RAB36: variants seen among roughly 807,000 people sequenced by gnomAD.
RAB36 encodes the protein ras-related protein Rab-36.
RAB36 carries 33 observed loss-of-function variants against 39.3 expected under a neutral mutation model. The ratio of observed to expected loss-of-function variants is 0.84; its 90% confidence interval spans 0.64 to 1.12. RAB36 has a LOEUF of 1.12. RAB36 is among the 50% of genes most tolerant of loss of function. The pLI, the probability that RAB36 is intolerant of heterozygous loss-of-function variation, is 0.00. For synonymous variants in RAB36, 133 were observed against 140.2 expected (o/e 0.95, Z 0.36); for missense variants, 308 against 355.3 (o/e 0.87, Z 1.07).
intron 5 of RAB36, among the ~76,000 whole-genome samples, chr22:23,154,149 A>C (rs1254838502): frequency 6.7e-6 from 1 of 148,790 alleles, no homozygotes. Context: ...CTGCCCCGGC[A>C]CCTGGAGAAT....
intron 3 of RAB36, among the ~76,000 whole-genome samples, chr22:23,150,591 G>A (rs556636452): frequency 4.2e-4 from 64 of 151,828 alleles, no homozygotes; most frequent in African/African-American, 1.5e-3. Context: ...GTGAGCCACC[G>A]TGCCCAGCCA....
At chr22:23,145,448 G>T (rs778299791), upstream of RAB36, 2 of 1,610,506 alleles carry the variant, frequency 1.2e-6, no homozygotes, top group African/African-American at 1.3e-5. Flanking sequence ...TCGACGATTC[G>T]TGTAGCCCGC....
chr22:23,156,274 G>T, intron 6 of RAB36: 1 of 447,064 alleles, frequency 2.2e-6, no homozygotes, highest in Non-Finnish European at 4.1e-6. Context: ...TTAAGTCTCA[G>T]CCCCAGTTTC....
chr22:23,157,301 A>C (rs1303267531), intron 6 of RAB36, among the ~76,000 whole-genome samples: 2 of 150,814 alleles, frequency 1.3e-5, no homozygotes, highest in Non-Finnish European at 2.9e-5. Flanking sequence ...CCCAAACTGG[A>C]GTGCAGTGGC....
In RAB36 at chr22:23,155,860, G is replaced by C. The variant is rs540954253; in HGVS notation, c.330-108G>C. 12 of 972,068 alleles carry C rather than the reference G, an allele frequency of 1.2e-5. No homozygotes were observed. The African/African-American group carries it at 1.7e-4, about 14-fold the overall frequency. The allele number at this position is 972,068 out of a possible 1,614,324, so 60.2% of individuals were successfully genotyped here. On this transcript the variant is annotated intron_variant, in intron 5 of 10. Coordinates refer to ENST00000263116, the MANE Select transcript of RAB36 (RefSeq NM_004914.5). ...GCACTTCCTGAAGCCCATGCAGCTGGCACAGGCCCTTAGGGTCTCCCACCC... is the reference window on the plus strand; with the variant it reads ...GCACTTCCTGAAGCCCATGCAGCTGCCACAGGCCCTTAGGGTCTCCCACCC...
chr22:23,158,802 G>T, intron 7 of RAB36, 96 bp from the exon 8 acceptor site: 1 of 1,088,314 alleles, frequency 9.2e-7, no homozygotes, highest in Non-Finnish European at 1.4e-6. Context: ...TCCCAGCCCA[G>T]CACTTCAGCC....
chr22:23,166,063 T>C (rs1232700701), downstream of RAB36, among the ~76,000 whole-genome samples: 1 of 146,884 alleles, frequency 6.8e-6, no homozygotes, highest in African/African-American at 2.6e-5. Context: ...GGAGAATCAC[T>C]TGAACCTGGG....
In RAB36 at chr22:23,160,901, C is replaced by T. The variant is rs2071745115; in HGVS notation, c.642C>T (p.Phe214=). Residue 214 remains phenylalanine, a synonymous_variant, in exon 10 of 11, where the codon TTC becomes TTT. Coordinates refer to ENST00000263116, the MANE Select transcript of RAB36 (RefSeq NM_004914.5). ...AKTGENVKAF[F]SRVAALAFEQ... Reference sequence around the variant, plus strand: ...CAGGCGAGAACGTGAAGGCATTCTTCAGCCGCGTAGCCGCCCTGGCATTCG... The same window carrying T: ...CAGGCGAGAACGTGAAGGCATTCTTTAGCCGCGTAGCCGCCCTGGCATTCG... 1.2e-6 allele frequency: 2 copies of T among 1,613,858 alleles called. No homozygotes were observed. The highest frequency in any genetic ancestry group is 1.7e-4 in the Middle Eastern group (1 of 6,060).
In RAB36 at chr22:23,162,590, C is replaced by T. The variant is rs75984322; in HGVS notation, c.*1026C>T. On this transcript the variant is annotated 3_prime_UTR_variant, in exon 11 of 11. Transcript: ENST00000263116. ...TGCACATGCAGAGCAGACAGAAATA[C>T]CCCACACATTCCCCAGCCTCTCTGC... 2.2e-6 allele frequency: 1 copy of T among 454,134 alleles called. No homozygotes were observed. Among genetic ancestry groups the T allele is most frequent in the Non-Finnish European group, 4.4e-6 (1 of 225,398 alleles). The allele number at this position is 454,134 out of a possible 1,614,324, so 28.1% of individuals were successfully genotyped here. A position where few individuals can be genotyped will look rare whatever the true frequency, so the allele number is the denominator to read the frequency against.
chr22:23,153,476 A>G, intron 5 of RAB36: 1 of 709,406 alleles, frequency 1.4e-6, no homozygotes, highest in Non-Finnish European at 1.7e-6. Context: ...CCAGGCCAGC[A>G]GGGTGGCCTC....
intron 6 of RAB36, 113 bp downstream of exon 6, chr22:23,156,145 G>GAAAAC: frequency 1.1e-6 from 1 of 882,770 alleles, no homozygotes; most frequent in Non-Finnish European, 1.7e-6. Context: ...TGTCCTCCAA[G>GAAAAC]ACCCACTGAG....
At chr22:23,146,123 C>T (rs2070756766) in intron 1 of RAB36, 2 of 602,484 alleles carry the variant, frequency 3.3e-6, no homozygotes, top group African/African-American at 2.0e-5. Flanking sequence ...AGGCCTGGTT[C>T]CCCCATACCA....
rs767609052 is a variant in RAB36, at chr22:23,155,984, CAGG to C, written c.349_351del (p.Glu117del). ...ACCTCACAGCTGGGACACAGCTGGG[CAGG>C]AGAAGTTCAAGTGCATCGCATCTGC... On this transcript the variant is annotated inframe_deletion, in exon 6 of 11. Transcript: ENST00000263116. 3 of 1,612,466 alleles carry C rather than the reference CAGG, an allele frequency of 1.9e-6. No homozygotes were observed. The highest frequency in any genetic ancestry group is 2.7e-5 in the African/African-American group (2 of 74,980).
In RAB36 at chr22:23,145,998, C is replaced by A. The variant is rs950809807; in HGVS notation, c.-13+447C>A. On this transcript the variant is annotated intron_variant, in intron 1 of 10. Coordinates refer to ENST00000263116, the MANE Select transcript of RAB36 (RefSeq NM_004914.5). ...ACCCCTCCCCACTCTACTTCCACTG[C>A]CTGAGCTGTGCCATGCCTCACAGCC... 2.0e-5 allele frequency: 20 copies of A among 985,398 alleles called. No individual in the cohort carries two copies. The African/African-American group carries it at 3.3e-4, about 16-fold the overall frequency. 61.0% of individuals were successfully genotyped at this position (985,398 alleles called of 1,614,324 possible).
chr22:23,145,365 T>G, upstream of RAB36: 2 of 1,605,610 alleles, frequency 1.2e-6, no homozygotes, highest in Non-Finnish European at 1.7e-6. Context: ...TTCTCGTTGC[T>G]ATGGTGATCG....
intron 6 of RAB36, among the ~76,000 whole-genome samples, chr22:23,156,681 G>T (rs547975515): frequency 6.6e-6 from 1 of 152,350 alleles, no homozygotes; most frequent in Non-Finnish European, 1.5e-5. Flanking sequence ...CGGTAGTGGT[G>T]AAAAAGTTAC....
intron 2 of RAB36, among the ~76,000 whole-genome samples, chr22:23,149,663 C>T (rs1461189101): frequency 6.6e-6 from 1 of 152,196 alleles, no homozygotes; most frequent in Non-Finnish European, 1.5e-5. Context: ...TCAGCCTCCT[C>T]AGTATCTAGG....
chr22:23,153,627 C>T (rs2071288513), intron 5 of RAB36: 2 of 984,288 alleles, frequency 2.0e-6, no homozygotes, highest in Non-Finnish European at 2.4e-6. Flanking sequence ...CTGAGGCACT[C>T]GTCTTCCTCC....
intron 6 of RAB36, among the ~76,000 whole-genome samples, 199 bp from the exon 7 acceptor site, chr22:23,157,793 C>T (rs970522304): frequency 1.3e-5 from 2 of 152,194 alleles, no homozygotes; most frequent in Non-Finnish European, 2.9e-5. Context: ...GCTGGGCTGC[C>T]GGGTGCAGGC....
Sources: gnomAD v4.1 joint callset for allele counts (sites outside exome capture counted in the v4.1 genomes callset) on GRCh38, gnomAD v4.1.1 for gene constraint, MANE v1.5 for transcripts, NCBI Gene and HGNC (gene_info 2026-07-23, HGNC 2026-07-21) for gene names.